Variants in RPH3A observed in about 807,000 individuals in gnomAD.
The protein encoded by RPH3A is rabphilin-3A.
RPH3A carries 48 observed loss-of-function variants against 102.2 expected under a neutral mutation model. That is an observed-to-expected ratio of 0.47 (90% CI 0.37 to 0.60). The LOEUF is 0.60. RPH3A is among the 20% of genes least tolerant of loss of function. RPH3A has a pLI of 0.00. For synonymous variants in RPH3A, 310 were observed against 324.3 expected (o/e 0.96, Z 0.47); for missense variants, 781 against 910.1 (o/e 0.86, Z 1.83).
rs1442167965 is a variant in RPH3A at position 112,897,017 on chromosome 12, G to C, written c.*237G>C. 3.9e-5 allele frequency: 20 copies of C among 507,066 alleles called. No homozygotes were observed. The Admixed American group carries it at 6.3e-4, about 16-fold the overall frequency. 31.4% of individuals were successfully genotyped at this position (507,066 alleles called of 1,614,324 possible). A position where few individuals can be genotyped will look rare whatever the true frequency, so the allele number is the denominator to read the frequency against. On this transcript the variant is annotated 3_prime_UTR_variant, in exon 22 of 22. Coordinates refer to ENST00000389385, the MANE Select transcript of RPH3A (RefSeq NM_001143854.2). Reference sequence around the variant, plus strand: ...CTCTCATCCCTGGGATGGAGCAATGGGGATGGGGTTGGGGAGACGTTTACA... The same window carrying C: ...CTCTCATCCCTGGGATGGAGCAATGCGGATGGGGTTGGGGAGACGTTTACA...
chr12:112,789,963 G>T (rs947061120), upstream of RPH3A, among the ~76,000 whole-genome samples: 1 of 152,072 alleles, frequency 6.6e-6, no homozygotes, highest in African/African-American at 2.4e-5. Context: ...ACAGGCTGGG[G>T]TGGGAGGATC....
chr12:112,872,141 C>T (rs1240580980), intron 10 of RPH3A, among the ~76,000 whole-genome samples: 1 of 152,150 alleles, frequency 6.6e-6, no homozygotes, highest in African/African-American at 2.4e-5. Context: ...GTGGCTGAGA[C>T]ATTTTTAGAT....
intron 3 of RPH3A, among the ~76,000 whole-genome samples, chr12:112,829,089 T>C (rs2136154377): frequency 6.6e-6 from 1 of 152,346 alleles, no homozygotes; most frequent in South Asian, 2.1e-4. Context: ...TTGGTTTTCC[T>C]GGAACAGATG....
chr12:112,676,372 T>G (rs1429753029), intron 1 of RPH3A, among the ~76,000 whole-genome samples: 1 of 152,212 alleles, frequency 6.6e-6, no homozygotes, highest in Non-Finnish European at 1.5e-5. Flanking sequence ...CCACCAACAC[T>G]TGGGTGCAAG....
chr12:112,838,096 G>A (rs999779795), intron 4 of RPH3A, among the ~76,000 whole-genome samples: 6 of 152,184 alleles, frequency 3.9e-5, no homozygotes, highest in Non-Finnish European at 7.3e-5. Flanking sequence ...CATAGAATCA[G>A]AGTGAACTGT....
intron 1 of RPH3A, among the ~76,000 whole-genome samples, chr12:112,654,822 A>G (rs2039998723): frequency 6.6e-6 from 1 of 152,198 alleles, no homozygotes; most frequent in African/African-American, 2.4e-5. Flanking sequence ...GGTGGTGTTC[A>G]AAGGTAGAAA....
At position 112,827,609 on chromosome 12, in the gene RPH3A, G is replaced by A. The variant is rs1006689249; in HGVS notation, c.-18-692G>A. Among the ~76,000 whole-genome samples the A allele has an allele frequency of 2.6e-5, 4 of 152,146 alleles. No individual in the cohort carries two copies. The East Asian group carries it at 7.7e-4, about 29-fold the overall frequency. On this transcript the variant is annotated intron_variant, in intron 2 of 21. Transcript: ENST00000389385. ...AGCATAGTAGCAATGCAGGCTGAAA[G>A]GAGTAGGCAGATCCTAAATCTATTT... is the stretch of plus-strand genomic sequence containing the variant.
intron 1 of RPH3A, among the ~76,000 whole-genome samples, chr12:112,746,704 C>G (rs539482312): frequency 6.6e-6 from 1 of 152,190 alleles, no homozygotes; most frequent in Non-Finnish European, 1.5e-5. Context: ...AGACCTGTCT[C>G]CTTCTCTGCC....
At chr12:112,701,916 A>C (rs760850884) in intron 1 of RPH3A, among the ~76,000 whole-genome samples, 1 of 152,230 alleles carries the variant, frequency 6.6e-6, no homozygotes, top group Non-Finnish European at 1.5e-5. Flanking sequence ...CTTTAACTGC[A>C]AAATGTACTG....
At chr12:112,761,228 G>T (rs2040853307) in intron 1 of RPH3A, among the ~76,000 whole-genome samples, 1 of 152,180 alleles carries the variant, frequency 6.6e-6, no homozygotes, top group Non-Finnish European at 1.5e-5. Context: ...GCTCAAGAAG[G>T]CTTATCACAA....
chr12:112,669,050 C>T (rs764414961), intron 1 of RPH3A, among the ~76,000 whole-genome samples: 3 of 152,172 alleles, frequency 2.0e-5, no homozygotes, highest in Non-Finnish European at 2.9e-5. Flanking sequence ...ATCCACCAGA[C>T]AGCAATACAT....
intron 1 of RPH3A, among the ~76,000 whole-genome samples, chr12:112,725,841 G>A (rs936877201): frequency 6.6e-6 from 1 of 151,568 alleles, no homozygotes; most frequent in Non-Finnish European, 1.5e-5. Context: ...TGTTGCCCAG[G>A]CTGGAGTGCG....
chr12:112,703,269 T>C (rs1353113149), intron 1 of RPH3A, among the ~76,000 whole-genome samples: 1 of 152,204 alleles, frequency 6.6e-6, no homozygotes, highest in African/African-American at 2.4e-5. Flanking sequence ...ACTTTTATTA[T>C]TTGTGGGTTT....
chr12:112,842,213 T>C (rs10492027), intron 4 of RPH3A, among the ~76,000 whole-genome samples: 12,342 of 152,320 alleles, frequency 0.081, 841 homozygotes, highest in African/African-American at 0.16. Flanking sequence ...TATTAGGTAA[T>C]TTTTCACTGA....
chr12:112,636,348 A>G (rs754547475), intron 1 of RPH3A, among the ~76,000 whole-genome samples: 20 of 152,228 alleles, frequency 1.3e-4, no homozygotes, highest in Non-Finnish European at 2.8e-4. Context: ...AGCTACATGG[A>G]GGGCTAACAA....
chr12:112,863,322 G>A (rs1385638324), intron 5 of RPH3A, among the ~76,000 whole-genome samples: 1 of 152,172 alleles, frequency 6.6e-6, no homozygotes, highest in African/African-American at 2.4e-5. Context: ...AGGGGGTTTT[G>A]TTGTTGTTTT....
intron 4 of RPH3A, among the ~76,000 whole-genome samples, chr12:112,839,013 T>G (rs2042100522): frequency 6.6e-6 from 1 of 152,148 alleles, no homozygotes; most frequent in South Asian, 2.1e-4. Context: ...TCCTGGACCA[T>G]CCTCTCTCCA....
At chr12:112,711,830 T>C (rs1391011502) in intron 1 of RPH3A, among the ~76,000 whole-genome samples, 2 of 152,156 alleles carry the variant, frequency 1.3e-5, no homozygotes, top group African/African-American at 2.4e-5. Flanking sequence ...TTGTTCTCTG[T>C]ACAATTTTTT....
intron 1 of RPH3A, among the ~76,000 whole-genome samples, chr12:112,737,894 T>G (rs1440774312): frequency 2.6e-5 from 4 of 152,192 alleles, no homozygotes; most frequent in Non-Finnish European, 4.4e-5. Context: ...AAATTGTTAT[T>G]AGTGTCTTAC....
Sources: allele counts gnomAD v4.1 joint callset (sites outside exome capture counted in the v4.1 genomes callset), GRCh38; gene constraint gnomAD v4.1.1; transcripts MANE v1.5; gene names NCBI Gene and HGNC (gene_info 2026-07-23, HGNC 2026-07-21).